The following STIP1 variants were observed in gnomAD, a reference collection of about 807,000 sequenced individuals.
The protein encoded by STIP1 is stress-induced-phosphoprotein 1.
In STIP1, 16 loss-of-function variants were observed where a neutral mutation model predicts 77.4. The ratio of observed to expected loss-of-function variants is 0.21; its 90% confidence interval spans 0.14 to 0.31. The LOEUF (loss-of-function observed/expected upper bound fraction) is 0.31. Ranked by LOEUF, STIP1 falls within the 10% of genes least tolerant of loss-of-function variation. The pLI is 1.00. For synonymous variants in STIP1, 258 were observed against 246.6 expected (o/e 1.05, Z -0.44); for missense variants, 524 against 684.8 (o/e 0.77, Z 2.62).
chr11:64,200,141 A>G, intron 9 of STIP1, 28 bp from the exon 10 acceptor site: 1 of 1,609,774 alleles, frequency 6.2e-7, no homozygotes. Context: ...TTGCTTTTTA[A>G]AAGACAGTCT....
rs552221885 is a variant in STIP1, at chr11:64,186,217, G to T, written c.-45G>T. The T allele has an allele frequency of 1.9e-6, 3 of 1,550,722 alleles. No homozygotes were observed. Among genetic ancestry groups the T allele is most frequent in the Non-Finnish European group, 2.6e-6 (3 of 1,146,982 alleles). On this transcript the variant is annotated 5_prime_UTR_variant, in exon 1 of 14. Transcript: ENST00000305218. ...GGCGGCGCGTGCGGTTGGGAACGCG[G>T]AGCGGACGGATTCGATTCAACGGGG... is the stretch of plus-strand genomic sequence containing the variant.
At chr11:64,195,992 T>G in intron 5 of STIP1, 179 bp downstream of exon 5, 1 of 795,774 alleles carries the variant, frequency 1.3e-6, no homozygotes, top group Non-Finnish European at 2.0e-6. Context: ...TGCTCCTGCT[T>G]CAGCTAGGAT....
intron 10 of STIP1, among the ~76,000 whole-genome samples, chr11:64,201,679 A>G (rs1013641747): frequency 6.6e-6 from 1 of 152,162 alleles, no homozygotes; most frequent in African/African-American, 2.4e-5. Context: ...TGGCCTAGAG[A>G]CATCATTTCT....
intron 12 of STIP1, 74 bp from the exon 13 acceptor site, chr11:64,203,376 G>A (rs1946242953): frequency 6.2e-7 from 1 of 1,601,308 alleles, no homozygotes; most frequent in Non-Finnish European, 8.5e-7. Context: ...AGTTACCTCT[G>A]TTATCTTGGA....
intron 5 of STIP1, 113 bp from the exon 6 acceptor site, chr11:64,197,158 T>A: frequency 7.0e-7 from 1 of 1,427,714 alleles, no homozygotes; most frequent in Non-Finnish European, 9.5e-7. Flanking sequence ...TCAGGAGAAC[T>A]TGATAGAATT....
At chr11:64,199,423 G>A (rs1286490517) in intron 8 of STIP1, among the ~76,000 whole-genome samples, 6 of 135,292 alleles carry the variant, frequency 4.4e-5, no homozygotes, top group African/African-American at 8.3e-5. Context: ...GGAGAATGGC[G>A]TTGAACCCGG....
intron 13 of STIP1, 135 bp from the exon 14 acceptor site, chr11:64,203,919 C>A: frequency 1.9e-6 from 2 of 1,063,532 alleles, no homozygotes; most frequent in Non-Finnish European, 1.4e-6. Context: ...GCCTCTGCAG[C>A]TCGGCGCCCC....
At chr11:64,189,202 A>G (rs1946062955) in intron 1 of STIP1, among the ~76,000 whole-genome samples, 1 of 152,190 alleles carries the variant, frequency 6.6e-6, no homozygotes, top group Admixed American at 6.5e-5. Context: ...CTCTATTAAA[A>G]ATACAAAAAT....
intron 10 of STIP1, 57 bp from the exon 11 acceptor site, chr11:64,202,819 C>A: frequency 6.2e-7 from 1 of 1,607,496 alleles, no homozygotes; most frequent in South Asian, 1.1e-5. Flanking sequence ...CTTGAGTTGC[C>A]TGTACTGAGC....
rs1311766788 is a variant in STIP1, at chr11:64,204,234, CTCTATAT to C, written c.*110_*116del. ...GAGCAGGGGAGAGAAGGCCTCATCTCTCTATATTTATACATAACCCCGGGGAAGACAC... is the reference window on the plus strand; with the variant it reads ...GAGCAGGGGAGAGAAGGCCTCATCTCTTATACATAACCCCGGGGAAGACAC... On this transcript the variant is annotated 3_prime_UTR_variant, in exon 14 of 14. Transcript: ENST00000305218. 1.8e-6 allele frequency: 2 copies of C among 1,127,206 alleles called. No individual in the cohort carries two copies. Among genetic ancestry groups the C allele is most frequent in the Non-Finnish European group, 2.6e-6 (2 of 773,130 alleles). 69.8% of individuals were successfully genotyped at this position (1,127,206 alleles called of 1,614,324 possible).
rs752293974 is a variant in STIP1, at chr11:64,190,204, G to C, written c.10-2874G>C. Among the ~76,000 whole-genome samples, 3 of 151,470 alleles carry C rather than the reference G, an allele frequency of 2.0e-5. No individual in the cohort carries two copies. In the South Asian group the frequency reaches 6.2e-4, roughly 32 times the overall value. Reference sequence around the variant, plus strand: ...ATTTATTTTTTTGAGACTGAGTTTCGCTCTTGTTGCCCAGGCTGGAGTGCA... The same window carrying C: ...ATTTATTTTTTTGAGACTGAGTTTCCCTCTTGTTGCCCAGGCTGGAGTGCA... On this transcript the variant is annotated intron_variant, in intron 1 of 13. Transcript: ENST00000305218.
At chr11:64,193,771 G>T (rs1417596175) in intron 2 of STIP1, among the ~76,000 whole-genome samples, 1 of 151,994 alleles carries the variant, frequency 6.6e-6, no homozygotes, top group Non-Finnish European at 1.5e-5. Flanking sequence ...AGGTGACACG[G>T]CAAGACCCTG....
rs923222483 is a variant in STIP1 at position 64,187,981 on chromosome 11, C to T, written c.9+1711C>T. Among the ~76,000 whole-genome samples, 6 of 148,278 alleles carry T rather than the reference C, an allele frequency of 4.0e-5. No individual in the cohort carries two copies. In the South Asian group the frequency reaches 1.1e-3, roughly 28 times the overall value. ...TTGCGCCACTGCACTCCAGCCTGGG[C>T]CATAGAGCGAGACTCCGTCTCCCTC... On this transcript the variant is annotated intron_variant, in intron 1 of 13. Transcript: ENST00000305218.
intron 10 of STIP1, among the ~76,000 whole-genome samples, chr11:64,200,622 T>C (rs1307060532): frequency 7.0e-6 from 1 of 142,610 alleles, no homozygotes; most frequent in Non-Finnish European, 1.6e-5. Flanking sequence ...TGTGTGTGTG[T>C]GTGTGTAAAA....
In STIP1 at chr11:64,194,606, T is replaced by G; in HGVS notation, c.489T>G (p.Pro163=). 1 of 1,613,978 alleles carries G rather than the reference T, an allele frequency of 6.2e-7. No individual in the cohort carries two copies. Among genetic ancestry groups the G allele is most frequent in the Non-Finnish European group, 8.5e-7 (1 of 1,179,922 alleles). Residue 163 remains proline, a synonymous_variant, in exon 4 of 14, where the codon CCT becomes CCG. Coordinates refer to ENST00000305218, the MANE Select transcript of STIP1 (RefSeq NM_006819.3). The stretch of plus-strand genomic sequence containing the variant: ...TGATAGAGCAGCTACGAAACAAGCC[T>G]TCTGACCTGGGCACGTAAGTGGACG... ...RELIEQLRNK[P]SDLGTKLQDP... is the part of the protein sequence containing the mutation.
chr11:64,203,985 G>A (rs1231852169), intron 13 of STIP1, 69 bp from the exon 14 acceptor site: 1 of 1,559,698 alleles, frequency 6.4e-7, no homozygotes. Context: ...GTTGAATTGG[G>A]GCTTGCTCTG....
At chr11:64,185,646 A>G, upstream of STIP1, 1 of 815,048 alleles carries the variant, frequency 1.2e-6, no homozygotes, top group South Asian at 1.9e-5. Flanking sequence ...AAAGCAACCC[A>G]GAGGCCCCGC....
intron 12 of STIP1, 37 bp downstream of exon 12, chr11:64,203,265 C>G: frequency 1.2e-6 from 2 of 1,608,504 alleles, no homozygotes; most frequent in South Asian, 2.2e-5. Flanking sequence ...CCCCCCCTGC[C>G]TCTTTCTCTG....
chr11:64,204,230 A>C lies in STIP1; in HGVS notation c.*104A>C, dbSNP rs956801538. ...GGGAGAGCAGGGGAGAGAAGGCCTC[A>C]TCTCTCTATATTTATACATAACCCC... On this transcript the variant is annotated 3_prime_UTR_variant, in exon 14 of 14. Coordinates refer to ENST00000305218, the MANE Select transcript of STIP1 (RefSeq NM_006819.3). The C allele has an allele frequency of 5.2e-5, 59 of 1,126,480 alleles. No homozygotes were observed. Among genetic ancestry groups the C allele is most frequent in the Non-Finnish European group, 7.6e-5 (58 of 767,724 alleles). 69.8% of individuals were successfully genotyped at this position (1,126,480 alleles called of 1,614,324 possible). A position where few individuals can be genotyped will look rare whatever the true frequency, so the allele number is the denominator to read the frequency against.
Sources: gnomAD v4.1 joint callset for allele counts (sites outside exome capture counted in the v4.1 genomes callset) on GRCh38, gnomAD v4.1.1 for gene constraint, MANE v1.5 for transcripts, NCBI Gene and HGNC (gene_info 2026-07-23, HGNC 2026-07-21) for gene names.